XXYLT1: variants seen among roughly 807,000 people sequenced by gnomAD.
XXYLT1 encodes xyloside xylosyltransferase 1.
Under a neutral mutation model 28.9 loss-of-function variants are expected in XXYLT1, and 20 were observed. The observed-to-expected ratio is 0.69, with a 90% confidence interval of 0.49 to 1.00. The LOEUF is 1.00. XXYLT1 is among the 50% of genes least tolerant of loss of function. XXYLT1 has a pLI of 0.00. For synonymous variants in XXYLT1, 257 were observed against 253.8 expected, an observed-to-expected ratio of 1.01 and a Z score of -0.12; for missense variants, 542 against 560.1, an observed-to-expected ratio of 0.97 and a Z score of 0.33.
At chr3:195,112,583 G>A (rs6806322) in intron 3 of XXYLT1, among the ~76,000 whole-genome samples, 18 of 133,436 alleles carry the variant, frequency 1.3e-4, no homozygotes, top group African/African-American at 4.4e-4. Flanking sequence ...ACACACGCAC[G>A]CACACACACA....
At chr3:195,104,123 A>C (rs1461004548) in intron 3 of XXYLT1, among the ~76,000 whole-genome samples, 2 of 152,038 alleles carry the variant, frequency 1.3e-5, no homozygotes, top group Non-Finnish European at 2.9e-5. Flanking sequence ...GGTCGGGCCC[A>C]TGAAATCTAC....
chr3:195,226,682 G>A (rs376209907), intron 2 of XXYLT1, 27 bp downstream of exon 2: 20 of 1,608,050 alleles, frequency 1.2e-5, no homozygotes, highest in Middle Eastern at 1.7e-4. Context: ...ACACCCAGGG[G>A]CTATTGCTCC....
chr3:195,185,828 T>G, intron 2 of XXYLT1, among the ~76,000 whole-genome samples: 1 of 152,128 alleles, frequency 6.6e-6, no homozygotes, highest in African/African-American at 2.4e-5. Context: ...ACCTGGACAC[T>G]CCCTCTCCTT....
At chr3:195,223,959 C>T (rs911399089) in intron 2 of XXYLT1, among the ~76,000 whole-genome samples, 2 of 152,076 alleles carry the variant, frequency 1.3e-5, no homozygotes, top group Non-Finnish European at 2.9e-5. Context: ...GAGTTTGAGA[C>T]CAGCCTGACC....
chr3:195,112,583 G>GCA (rs111315795), intron 3 of XXYLT1, among the ~76,000 whole-genome samples: 28 of 133,490 alleles, frequency 2.1e-4, no homozygotes, highest in African/African-American at 5.4e-4. Flanking sequence ...ACACACGCAC[G>GCA]CACACACACA....
At chr3:195,131,186 C>T (rs896869109) in intron 3 of XXYLT1, among the ~76,000 whole-genome samples, 1 of 152,240 alleles carries the variant, frequency 6.6e-6, no homozygotes, top group East Asian at 1.9e-4. Flanking sequence ...TCCTCATTAC[C>T]CACTACCTGA....
At chr3:195,203,712 C>T (rs570748065) in intron 2 of XXYLT1, among the ~76,000 whole-genome samples, 1 of 152,300 alleles carries the variant, frequency 6.6e-6, no homozygotes, top group Admixed American at 6.5e-5. Flanking sequence ...TGCCATTGGC[C>T]TATTATTTAT....
chr3:195,186,972 G>A (rs917171213), intron 2 of XXYLT1, among the ~76,000 whole-genome samples: 8 of 147,694 alleles, frequency 5.4e-5, no homozygotes, highest in African/African-American at 1.8e-4. Context: ...TCGGCTCACC[G>A]CAACCTCCAC....
intron 3 of XXYLT1, among the ~76,000 whole-genome samples, chr3:195,154,385 C>T (rs541319821): frequency 2.0e-5 from 3 of 152,006 alleles, no homozygotes; most frequent in East Asian, 1.9e-4. Flanking sequence ...TCTAGGAAGG[C>T]TGGACTGGTA....
At chr3:195,214,246 C>G (rs1374191730) in intron 2 of XXYLT1, among the ~76,000 whole-genome samples, 3 of 152,098 alleles carry the variant, frequency 2.0e-5, no homozygotes, top group Admixed American at 6.5e-5. Flanking sequence ...AAGGAAAGCC[C>G]CCTCTGTGCA....
At chr3:195,080,862 G>A (rs1173524949) in intron 3 of XXYLT1, among the ~76,000 whole-genome samples, 2 of 152,220 alleles carry the variant, frequency 1.3e-5, no homozygotes, top group Non-Finnish European at 2.9e-5. Flanking sequence ...CGTGGACGTG[G>A]CTCACCCAGG....
At chr3:195,101,084 C>T (rs113587633) in intron 3 of XXYLT1, among the ~76,000 whole-genome samples, 63 of 152,406 alleles carry the variant, frequency 4.1e-4, no homozygotes, top group African/African-American at 1.4e-3. Flanking sequence ...CCCAGCAGCT[C>T]CCCAGCCTCA....
chr3:195,207,553 C>A, intron 2 of XXYLT1: 1 of 446,370 alleles, frequency 2.2e-6, no homozygotes, highest in Non-Finnish European at 4.5e-6. Flanking sequence ...AAGCCTTCCC[C>A]AAATTCCTTA....
chr3:195,107,772 C>A (rs1577034581), intron 3 of XXYLT1, among the ~76,000 whole-genome samples: 1 of 151,912 alleles, frequency 6.6e-6, no homozygotes, highest in East Asian at 1.9e-4. Context: ...GGGATCCAGC[C>A]CCTCAGTGTT....
chr3:195,188,576 T>C (rs1047002483), intron 2 of XXYLT1, among the ~76,000 whole-genome samples: 3 of 152,256 alleles, frequency 2.0e-5, no homozygotes, highest in Non-Finnish European at 4.4e-5. Context: ...TGCTGTGTAC[T>C]GGCCATTTCA....
chr3:195,234,231 G>A lies in XXYLT1; in HGVS notation c.505-7375C>T, dbSNP rs149100367. ...TGCGTCTGGCCAGCATTTCTTGTAC[G>A]ATAGGTCTGGTATTGATGAAATCCA... On this transcript the variant is annotated intron_variant, in intron 1 of 3. Coordinates refer to ENST00000310380, the MANE Select transcript of XXYLT1 (RefSeq NM_152531.5). Among the ~76,000 whole-genome samples the A allele has an allele frequency of 4.0e-5, 6 of 150,030 alleles. 1 individual carries two copies. Among genetic ancestry groups the A allele is most frequent in the South Asian group, 4.2e-4 (2 of 4,750 alleles).
rs1379727971 is a variant in XXYLT1, at chr3:195,181,847, G to A, written c.653-25266C>T. On this transcript the variant is annotated intron_variant, in intron 2 of 3. Transcript: ENST00000310380. The stretch of plus-strand genomic sequence containing the variant: ...CTAACTCATGGACAATGGGTAAACT[G>A]CCCAAGCTAAAGTCAGAGGTTAGCT... Among the ~76,000 whole-genome samples the A allele has an allele frequency of 2.0e-5, 3 of 152,188 alleles. No individual in the cohort carries two copies. The East Asian group carries it at 5.8e-4, about 29-fold the overall frequency.
chr3:195,270,756 C>T lies in XXYLT1; in HGVS notation c.303G>A (p.Leu101=). 6.3e-7 allele frequency: 1 copy of T among 1,585,770 alleles called. No homozygotes were observed. Among genetic ancestry groups the T allele is most frequent in the East Asian group, 2.4e-5 (1 of 41,074 alleles). Residue 101 remains leucine (L), a synonymous_variant, in exon 1 of 4, where the codon CTG becomes CTA. Transcript: ENST00000310380. ...GCTCCGCCTTGGTGAACATCATCAG[C>T]AGGTGGTAGTCCACCGGCCCGGCAC... ...GGGAGPVDYH[L]LMMFTKAEHN...
chr3:195,249,426 G>A (rs773910418), intron 1 of XXYLT1, among the ~76,000 whole-genome samples: 3 of 152,186 alleles, frequency 2.0e-5, no homozygotes, highest in Non-Finnish European at 4.4e-5. Flanking sequence ...CGCATGGCAC[G>A]TGACAGGCAC....
Sources: allele counts gnomAD v4.1 joint callset (sites outside exome capture counted in the v4.1 genomes callset), GRCh38; gene constraint gnomAD v4.1.1; transcripts MANE v1.5; gene names NCBI Gene and HGNC (gene_info 2026-07-23, HGNC 2026-07-21).